The following ARSG variants were observed in gnomAD, a reference collection of about 807,000 sequenced individuals.
ARSG encodes arylsulfatase G, also known as ASG.
Under a neutral mutation model 50.5 loss-of-function variants are expected in ARSG, and 37 were observed. The observed-to-expected ratio is 0.73, with a 90% CI of 0.56 to 0.96. ARSG has a LOEUF of 0.96. Ranked by LOEUF, ARSG falls within the 50% of genes least tolerant of loss-of-function variation. The probability of loss-of-function intolerance (pLI) is 0.00; values close to 1 mark genes in which losing one functional copy is unlikely to be tolerated. For synonymous variants in ARSG, 225 were observed against 254.6 expected (o/e 0.88, Z 1.11); for missense variants, 629 against 675.3 (o/e 0.93, Z 0.76).
chr17:68,421,366 T>C (rs1036345788), downstream of ARSG: 1 of 167,662 alleles, frequency 6.0e-6, no homozygotes, highest in African/African-American at 2.4e-5. Flanking sequence ...AAAAAAGACT[T>C]TGCCTGGCTA....
chr17:68,391,677 G>A (rs920206107), intron 9 of ARSG, among the ~76,000 whole-genome samples: 6 of 152,166 alleles, frequency 3.9e-5, no homozygotes, highest in South Asian at 2.1e-4. Context: ...CCAAACCACC[G>A]CGGCCTTTTC....
At position 68,271,799 on chromosome 17, in the gene ARSG, CA is replaced by C. The variant is rs782085519; in HGVS notation, c.-552+12375del. The C allele has an allele frequency of 4.0e-5, 26 of 656,244 alleles. No individual in the cohort carries two copies. The highest frequency in any genetic ancestry group is 6.0e-5 in the Non-Finnish European group (23 of 383,708). The allele number at this position is 656,244 out of a possible 1,614,324, so 40.7% of individuals were successfully genotyped here. A position where few individuals can be genotyped will look rare whatever the true frequency, so the allele number is the denominator to read the frequency against. On this transcript the variant is annotated intron_variant, in intron 1 of 11. Coordinates refer to the ARSG transcript ENST00000448504. The surrounding 1 kb of genome is among the most constrained non-coding windows in gnomAD (Gnocchi z 5.3). ...TTATACTCAGCAGTATGAATGTACT[CA>C]ATCTTTATTTATTTACTTTTTGAGA...
intron 11 of ARSG, among the ~76,000 whole-genome samples, chr17:68,404,606 C>T (rs1403955884): frequency 2.6e-5 from 4 of 152,008 alleles, no homozygotes; most frequent in Non-Finnish European, 5.9e-5. Flanking sequence ...CTATAATTTT[C>T]CTTTCTTGTC....
At chr17:68,294,894 T>C (rs546307322) in intron 1 of ARSG, among the ~76,000 whole-genome samples, 52 of 152,218 alleles carry the variant, frequency 3.4e-4, no homozygotes, top group African/African-American at 1.2e-3. Flanking sequence ...CCCTTCAAAC[T>C]GGGAAACACA....
chr17:68,280,273 G>A (rs147810065), intron 1 of ARSG, among the ~76,000 whole-genome samples: 2,254 of 148,314 alleles, frequency 0.015, 55 homozygotes, highest in African/African-American at 0.054. Flanking sequence ...ATTCTTCACA[G>A]AAATAGAAGA....
chr17:68,306,534 T>G (rs968052654), intron 1 of ARSG, among the ~76,000 whole-genome samples: 4 of 152,242 alleles, frequency 2.6e-5, no homozygotes, highest in Non-Finnish European at 4.4e-5. Context: ...CCAAAAATTT[T>G]TTTAAATGTA....
At chr17:68,316,516 ACTT>A (rs1374662233) in intron 2 of ARSG, among the ~76,000 whole-genome samples, 1 of 152,192 alleles carries the variant, frequency 6.6e-6, no homozygotes, top group Non-Finnish European at 1.5e-5. Flanking sequence ...CTGGATCTAA[ACTT>A]CTAGGTGTGC....
chr17:68,322,130 A>C (rs1452358303), intron 2 of ARSG, among the ~76,000 whole-genome samples: 3 of 152,238 alleles, frequency 2.0e-5, no homozygotes, highest in Non-Finnish European at 4.4e-5. Context: ...GCATCCGCTT[A>C]AGTGATTACA....
chr17:68,271,060 A>G lies in ARSG; in HGVS notation c.-552+11634A>G. ...GGCAAACAGAGACACAGTCAATAAG[A>G]TGACGCAGATGAGCTCAATGTAAAT... On this transcript the variant is annotated intron_variant, in intron 1 of 11. Transcript: ENST00000448504. This position sits in a 1 kb window ranked among gnomAD's most constrained non-coding sequence, Gnocchi z 5.3. The G allele has an allele frequency of 6.2e-7, 1 of 1,614,220 alleles. No homozygotes were observed. Among genetic ancestry groups the G allele is most frequent in the Admixed American group, 1.7e-5 (1 of 60,028 alleles).
intron 10 of ARSG, chr17:68,400,387 G>C (rs993838921): frequency 6.6e-6 from 1 of 152,216 alleles, no homozygotes; most frequent in African/African-American, 2.4e-5. Context: ...AGTCATAGCT[G>C]TGGGCGTCTG....
At chr17:68,436,004 G>A in the ARSG span, among the ~76,000 whole-genome samples, 1 of 152,228 alleles carries the variant, frequency 6.6e-6, no homozygotes, top group South Asian at 2.1e-4. Flanking sequence ...CGCATCTTTA[G>A]GCAACTTCCC....
At chr17:68,398,218 A>G (rs7222535) in intron 10 of ARSG, among the ~76,000 whole-genome samples, 16,177 of 152,248 alleles carry the variant, frequency 0.11, 2,160 homozygotes, top group African/African-American at 0.31. Flanking sequence ...AAACATACAT[A>G]TGCATGCTTA....
At chr17:68,398,396 C>T (rs966119208) in intron 10 of ARSG, among the ~76,000 whole-genome samples, 15 of 152,218 alleles carry the variant, frequency 9.9e-5, no homozygotes, top group East Asian at 7.7e-4. Flanking sequence ...TGTATACATA[C>T]GTGTATATAT....
intron 10 of ARSG, 95 bp from the exon 11 acceptor site, chr17:68,401,265 C>A (rs959648711): frequency 4.5e-5 from 49 of 1,097,300 alleles, no homozygotes; most frequent in South Asian, 2.5e-4. Context: ...TCAAGTGATC[C>A]TCCTGCCTCG....
rs185380301 is a variant in ARSG, at chr17:68,378,742, C to A, written c.983-6322C>A. Among the ~76,000 whole-genome samples, 3 of 152,294 alleles carry A rather than the reference C, an allele frequency of 2.0e-5. No individual in the cohort carries two copies. Among genetic ancestry groups the A allele is most frequent in the East Asian group, 3.9e-4 (2 of 5,182 alleles). ...TGCTCCTCTGTCTGGAAAATCTTTT[C>A]TCGTTTTATTTGAAGAGCAGAACTG... is the stretch of plus-strand genomic sequence containing the variant. On this transcript the variant is annotated intron_variant, in intron 8 of 11. Transcript: ENST00000621439. The surrounding 1 kb of genome is among the most constrained non-coding windows in gnomAD (Gnocchi z 4.4).
At chr17:68,333,442 A>G (rs527545622) in intron 2 of ARSG, among the ~76,000 whole-genome samples, 1 of 152,270 alleles carries the variant, frequency 6.6e-6, no homozygotes, top group African/African-American at 2.4e-5. Flanking sequence ...AGCCTGGCCA[A>G]CAGTGGCAAA....
chr17:68,320,524 C>G (rs2077241986), intron 2 of ARSG, among the ~76,000 whole-genome samples: 1 of 152,154 alleles, frequency 6.6e-6, no homozygotes, highest in Admixed American at 6.5e-5. Flanking sequence ...CAGCTGTGAT[C>G]CAGACAACCA....
At chr17:68,301,792 T>C (rs1425918509) in intron 1 of ARSG, among the ~76,000 whole-genome samples, 5 of 152,126 alleles carry the variant, frequency 3.3e-5, no homozygotes, top group African/African-American at 1.2e-4. Context: ...GCTCCTTGCT[T>C]GTGCCAGACC....
At chr17:68,366,705 G>GT (rs1395745367) in intron 6 of ARSG, among the ~76,000 whole-genome samples, 3 of 151,774 alleles carry the variant, frequency 2.0e-5, no homozygotes, top group African/African-American at 7.3e-5. Flanking sequence ...GTGTGTGTGT[G>GT]TATTTTATTG....
Sources: allele counts gnomAD v4.1 joint callset (sites outside exome capture counted in the v4.1 genomes callset), GRCh38; gene constraint gnomAD v4.1.1; non-coding constraint Gnocchi (gnomAD v3.1); transcripts MANE v1.5; gene names NCBI Gene and HGNC (gene_info 2026-07-23, HGNC 2026-07-21).